Variants in CADM2 observed in about 807,000 individuals in gnomAD.
CADM2 encodes the protein immunoglobulin superfamily member 4D.
Under a neutral mutation model 49.8 loss-of-function variants are expected in CADM2, and 12 were observed. The observed-to-expected ratio is 0.24, with a 90% CI of 0.15 to 0.39. The LOEUF is 0.39. CADM2 is among the 10% of genes least tolerant of loss of function. The pLI, the probability that CADM2 is intolerant of heterozygous loss-of-function variation, is 1.00. For synonymous variants in CADM2, 214 were observed against 175.4 expected, an observed-to-expected ratio of 1.22 and a Z score of -1.74; for missense variants, 378 against 492.3, an observed-to-expected ratio of 0.77 and a Z score of 2.20.
Position 84,960,492 on chromosome 3 carries a change from T to TG in CADM2, c.61+824_61+825insG. On this transcript the variant is annotated intron_variant, in intron 1 of 9. Transcript: ENST00000383699. ...TCAGTCTGTGTCGTTTCTTTTTTTTTTTAACCAAAGAAATATATGCTCCCT... is the reference window on the plus strand; with the variant it reads ...TCAGTCTGTGTCGTTTCTTTTTTTTTGTTAACCAAAGAAATATATGCTCCCT... The TG allele has an allele frequency of 2.6e-5, 4 of 152,258 alleles. No homozygotes were observed. In the South Asian group the frequency reaches 8.3e-4, roughly 31 times the overall value. The allele number at this position is 152,258 out of a possible 1,614,324, so 9.4% of individuals were successfully genotyped here. A position where few individuals can be genotyped will look rare whatever the true frequency, so the allele number is the denominator to read the frequency against.
intron 1 of CADM2, among the ~76,000 whole-genome samples, chr3:85,327,361 T>C (rs2044781933): frequency 6.6e-6 from 1 of 152,020 alleles, no homozygotes; most frequent in Non-Finnish European, 1.5e-5. Flanking sequence ...GTTCAAGTAA[T>C]TCTCATGCCT....
chr3:85,877,684 G>GTTTTTTTTTTTTTT (rs368101272), intron 3 of CADM2, among the ~76,000 whole-genome samples: 139 of 111,902 alleles, frequency 1.2e-3, no homozygotes, highest in African/African-American at 2.2e-3. Flanking sequence ...TTTTTCTTCT[G>GTTTTTTTTTTTTTT]TTTTTTTTTT....
intron 1 of CADM2, among the ~76,000 whole-genome samples, chr3:85,215,325 G>T (rs2041893145): frequency 8.1e-6 from 1 of 123,326 alleles, no homozygotes; most frequent in Non-Finnish European, 1.6e-5. Context: ...TTAAGCTGCT[G>T]TCTAAGTTGC....
chr3:85,637,530 A>G (rs2064538939), intron 1 of CADM2, among the ~76,000 whole-genome samples: 1 of 148,530 alleles, frequency 6.7e-6, no homozygotes. Context: ...TGAACCCGGG[A>G]AGCGGAGCTT....
intron 1 of CADM2, among the ~76,000 whole-genome samples, chr3:85,401,477 T>C (rs958882498): frequency 6.6e-6 from 1 of 152,122 alleles, no homozygotes; most frequent in Non-Finnish European, 1.5e-5. Flanking sequence ...TTGGTTGGCA[T>C]GTGGTGAAGA....
intron 1 of CADM2, among the ~76,000 whole-genome samples, chr3:85,592,020 A>T (rs2063122173): frequency 6.6e-6 from 1 of 152,014 alleles, no homozygotes; most frequent in Non-Finnish European, 1.5e-5. Context: ...GAAAGACTTA[A>T]TAGAAATGAA....
intron 1 of CADM2, among the ~76,000 whole-genome samples, chr3:85,201,321 C>CTA (rs2041494785): frequency 6.6e-6 from 1 of 152,102 alleles, no homozygotes; most frequent in Non-Finnish European, 1.5e-5. Context: ...TGTAGTCTAT[C>CTA]AAGTATGTGA....
intron 1 of CADM2, among the ~76,000 whole-genome samples, chr3:85,634,077 C>T (rs949111321): frequency 6.6e-6 from 1 of 151,976 alleles, no homozygotes; most frequent in African/African-American, 2.4e-5. Flanking sequence ...ATCTTCCTTG[C>T]TTGCGACTGC....
In CADM2 at chr3:85,270,291, A is replaced by G. The variant is rs117061765; in HGVS notation, c.61+310623A>G. 4.4e-4 allele frequency among the ~76,000 whole-genome samples: 67 copies of G among 151,492 alleles called. 1 individual carries two copies. The East Asian group carries it at 0.012, about 28-fold the overall frequency. ...CAGAGATAAATAAAGAATCAAGGAA[A>G]ATCTTAATTTTAGTTAATTCTCTAA... On this transcript the variant is annotated intron_variant, in intron 1 of 9. Coordinates refer to ENST00000383699, the MANE Select transcript of CADM2 (RefSeq NM_001167675.2).
intron 3 of CADM2, among the ~76,000 whole-genome samples, chr3:85,869,786 G>A (rs945918675): frequency 1.2e-4 from 18 of 152,074 alleles, no homozygotes; most frequent in African/African-American, 4.3e-4. Context: ...AGCCTCCCAA[G>A]TAGCTGGGAC....
chr3:85,013,500 G>T (rs2034095390), intron 1 of CADM2, among the ~76,000 whole-genome samples: 1 of 151,810 alleles, frequency 6.6e-6, no homozygotes, highest in South Asian at 2.1e-4. Flanking sequence ...GAGGTAAGGG[G>T]TTGTAAGCAC....
intron 1 of CADM2, among the ~76,000 whole-genome samples, chr3:85,704,872 T>TATTA (rs1559603670): frequency 1.3e-5 from 2 of 150,262 alleles, no homozygotes; most frequent in East Asian, 2.0e-4. Flanking sequence ...TATTATTTTT[T>TATTA]TTTTTTGATG....
intron 1 of CADM2, among the ~76,000 whole-genome samples, chr3:85,116,965 G>GT (rs1248265653): frequency 6.6e-6 from 1 of 152,146 alleles, no homozygotes; most frequent in Non-Finnish European, 1.5e-5. Context: ...GGAATCTGGG[G>GT]TGGGTGGATC....
intron 7 of CADM2, among the ~76,000 whole-genome samples, chr3:85,939,093 T>C (rs1297436439): frequency 6.6e-6 from 1 of 152,046 alleles, no homozygotes; most frequent in Non-Finnish European, 1.5e-5. Flanking sequence ...GTTCCGAACC[T>C]GCCCTTCTTT....
At chr3:85,793,547 G>C (rs1213242781) in intron 2 of CADM2, among the ~76,000 whole-genome samples, 2 of 152,164 alleles carry the variant, frequency 1.3e-5, no homozygotes, top group Middle Eastern at 3.2e-3. Flanking sequence ...TCATTGAGCT[G>C]TGGTGTTTGC....
intron 8 of CADM2, among the ~76,000 whole-genome samples, chr3:86,043,814 T>C (rs1184582257): frequency 6.6e-6 from 1 of 152,152 alleles, no homozygotes; most frequent in Non-Finnish European, 1.5e-5. Flanking sequence ...CAAACTATAC[T>C]ACAAGGCTAC....
intron 1 of CADM2, among the ~76,000 whole-genome samples, chr3:85,298,048 T>C (rs777875890): frequency 1.3e-5 from 2 of 152,054 alleles, no homozygotes; most frequent in Non-Finnish European, 2.9e-5. Flanking sequence ...TTTATTACCA[T>C]ATTATTTAGG....
At chr3:85,254,282 AG>A (rs2042836922) in intron 1 of CADM2, among the ~76,000 whole-genome samples, 1 of 152,054 alleles carries the variant, frequency 6.6e-6, no homozygotes, top group Non-Finnish European at 1.5e-5. Flanking sequence ...TGCCCTGTCT[AG>A]GGCACCACCC....
chr3:85,262,715 C>G (rs2043039032), intron 1 of CADM2, among the ~76,000 whole-genome samples: 1 of 152,014 alleles, frequency 6.6e-6, no homozygotes, highest in Non-Finnish European at 1.5e-5. Flanking sequence ...AAAGAAACAT[C>G]CTGATATCCA....
Sources: allele counts gnomAD v4.1 joint callset (sites outside exome capture counted in the v4.1 genomes callset), GRCh38; gene constraint gnomAD v4.1.1; transcripts MANE v1.5; gene names NCBI Gene and HGNC (gene_info 2026-07-23, HGNC 2026-07-21).